The following ST3GAL1 variants were observed in gnomAD, a reference collection of about 807,000 sequenced individuals.
ST3GAL1 encodes CMP-N-acetylneuraminate-beta-galactosamide-alpha-2,3-sialyltransferase 1.
ST3GAL1 carries 16 observed loss-of-function variants against 34.1 expected under a neutral mutation model. The ratio of observed to expected loss-of-function variants is 0.47; its 90% CI spans 0.32 to 0.71. The LOEUF is 0.71. Among genes scored for constraint, ST3GAL1 ranks in the 30% least tolerant of loss-of-function variants. The pLI is 0.04. For synonymous variants in ST3GAL1, 191 were observed against 184.7 expected, an observed-to-expected ratio of 1.03 and a Z score of -0.28; for missense variants, 353 against 447.4, an observed-to-expected ratio of 0.79 and a Z score of 1.90.
In ST3GAL1 at chr8:133,549,977, A is replaced by T. The variant is rs531177115; in HGVS notation, c.-581-4051T>A. Among the ~76,000 whole-genome samples, 482 of 152,238 alleles carry T rather than the reference A, an allele frequency of 3.2e-3. 2 individuals carry two copies. The highest frequency in any genetic ancestry group is 0.011 in the African/African-American group (443 of 41,554). ...AACTCTGTCTCAAAAAACAAAACAA[A>T]CAAACAAACAAACAAAACTAGAACT... On this transcript the variant is annotated intron_variant, in intron 1 of 9. Transcript: ENST00000522652.
chr8:133,551,921 G>A lies in ST3GAL1; in HGVS notation c.-581-5995C>T, dbSNP rs186954132. Among the ~76,000 whole-genome samples, 9 of 152,326 alleles carry A rather than the reference G, an allele frequency of 5.9e-5. No homozygotes were observed. The East Asian group carries it at 1.7e-3, about 29-fold the overall frequency. On this transcript the variant is annotated intron_variant, in intron 1 of 9. Transcript: ENST00000522652. ...TCATTTTGAAGGTGAGTAAATGGAGGCTTGAGGAGATTAAGTAATTTGCTC... is the reference window on the plus strand; with the variant it reads ...TCATTTTGAAGGTGAGTAAATGGAGACTTGAGGAGATTAAGTAATTTGCTC...
At chr8:133,564,868 T>G (rs1819344822) in intron 1 of ST3GAL1, among the ~76,000 whole-genome samples, 1 of 152,226 alleles carries the variant, frequency 6.6e-6, no homozygotes, top group African/African-American at 2.4e-5. Context: ...AACCTCCAAT[T>G]GAAACCCAGG....
At chr8:133,565,463 G>A (rs762805480) in intron 1 of ST3GAL1, among the ~76,000 whole-genome samples, 8 of 151,982 alleles carry the variant, frequency 5.3e-5, no homozygotes, top group Non-Finnish European at 1.0e-4. Flanking sequence ...TTCCCCTACC[G>A]TGCCACTTCT....
At chr8:133,569,521 TGGC>T (rs1430631351) in intron 1 of ST3GAL1, among the ~76,000 whole-genome samples, 2 of 152,170 alleles carry the variant, frequency 1.3e-5, no homozygotes, top group Non-Finnish European at 2.9e-5. Context: ...AGGTTAAGTC[TGGC>T]GACCAAAGAG....
intron 2 of ST3GAL1, among the ~76,000 whole-genome samples, chr8:133,542,157 G>A (rs1233161803): frequency 3.3e-5 from 5 of 152,152 alleles, no homozygotes; most frequent in East Asian, 1.9e-4. Flanking sequence ...TCTGCTCAGA[G>A]GGCCTAGAGG....
intron 2 of ST3GAL1, among the ~76,000 whole-genome samples, chr8:133,506,404 T>C (rs1186526767): frequency 2.0e-5 from 3 of 152,200 alleles, no homozygotes; most frequent in Non-Finnish European, 4.4e-5. Context: ...TTTTTAGGTA[T>C]TAAGCAAATA....
In ST3GAL1 at chr8:133,469,633, C is replaced by A. The variant is rs1333211990; in HGVS notation, c.307-3543G>T. On this transcript the variant is annotated intron_variant, in intron 5 of 9. Coordinates refer to ENST00000522652, the MANE Select transcript of ST3GAL1 (RefSeq NM_173344.3). This position sits in a 1 kb window ranked among gnomAD's most constrained non-coding sequence, Gnocchi z 4.3. The stretch of plus-strand genomic sequence containing the variant: ...GTTGTACAATGCAATGAAAACAAAA[C>A]TACTGTATTCGGTTGCAGCTCTACC... 6.6e-6 allele frequency among the ~76,000 whole-genome samples: 1 copy of A among 152,224 alleles called. No homozygotes were observed. The highest frequency in any genetic ancestry group is 6.5e-5 in the Admixed American group (1 of 15,282).
rs560670553 is a variant in ST3GAL1 at position 133,455,021 on chromosome 8, A to T, written c.*4743T>A. 1.3e-5 allele frequency: 2 copies of T among 152,358 alleles called. No homozygotes were observed. The highest frequency in any genetic ancestry group is 4.1e-4 in the South Asian group (2 of 4,828). The allele number at this position is 152,358 out of a possible 1,614,324, so 9.4% of individuals were successfully genotyped here. A position where few individuals can be genotyped will look rare whatever the true frequency, so the allele number is the denominator to read the frequency against. On this transcript the variant is annotated 3_prime_UTR_variant, in exon 10 of 10. Transcript: ENST00000522652. Reference sequence around the variant, plus strand: ...ATGGAGAGAGGCAGGGGGGAATAGAAAGCAAATTTAAAAACACCAACACCC... The same window carrying T: ...ATGGAGAGAGGCAGGGGGGAATAGATAGCAAATTTAAAAACACCAACACCC...
At chr8:133,518,963 A>C (rs2945747) in intron 2 of ST3GAL1, among the ~76,000 whole-genome samples, 38,010 of 152,000 alleles carry the variant, frequency 0.25, 4,965 homozygotes, top group Admixed American at 0.28. Flanking sequence ...GCTATTGACA[A>C]GGGCAGCCCG....
rs1563748337 is a variant in ST3GAL1, at chr8:133,571,454, G to A, written c.-582+239C>T. On this transcript the variant is annotated intron_variant, in intron 1 of 9. Transcript: ENST00000522652. This position sits in a 1 kb window ranked among gnomAD's most constrained non-coding sequence, Gnocchi z 6.7. ...ACCTTCTTCCTCTCCCAAAGCCCTG[G>A]GTGGTCGCCGCTGCCAAGGAAGGGG... Among the ~76,000 whole-genome samples, 1 of 152,106 alleles carries A rather than the reference G, an allele frequency of 6.6e-6. No homozygotes were observed. The highest frequency in any genetic ancestry group is 1.5e-5 in the Non-Finnish European group (1 of 68,030).
intron 2 of ST3GAL1, among the ~76,000 whole-genome samples, chr8:133,506,600 C>T (rs1156230804): frequency 1.3e-5 from 2 of 151,956 alleles, no homozygotes; most frequent in Non-Finnish European, 2.9e-5. Flanking sequence ...GCCTGGCCAA[C>T]ATGGTGAAAC....
chr8:133,462,112 C>A, intron 8 of ST3GAL1, 118 bp from the exon 9 acceptor site: 1 of 1,449,694 alleles, frequency 6.9e-7, no homozygotes, highest in Non-Finnish European at 9.4e-7. Context: ...CTAATAGATA[C>A]GCCTGCACTT....
At chr8:133,463,497 G>C (rs777017629) in intron 7 of ST3GAL1, 38 bp from the exon 8 acceptor site, 26 of 1,610,836 alleles carry the variant, frequency 1.6e-5, no homozygotes, top group Non-Finnish European at 2.1e-5. Flanking sequence ...AATGGGGCAG[G>C]GGACAGGCCC....
chr8:133,530,244 G>A (rs1421986144), intron 2 of ST3GAL1, among the ~76,000 whole-genome samples: 1 of 152,030 alleles, frequency 6.6e-6, no homozygotes, highest in Non-Finnish European at 1.5e-5. Context: ...AGAGGACAAG[G>A]AGCCAGTGTC....
intron 6 of ST3GAL1, among the ~76,000 whole-genome samples, chr8:133,465,351 C>T (rs1815694813): frequency 6.6e-6 from 1 of 152,122 alleles, no homozygotes. Context: ...AGTCAGGAAT[C>T]ACAGACAGGA....
rs143791906 is a variant in ST3GAL1, at chr8:133,542,606, C to A, written c.-429+3168G>T. On this transcript the variant is annotated intron_variant, in intron 2 of 9. Transcript: ENST00000522652. ...CCTGGCCAACATGATGAAACCCCAT[C>A]TCTACTAAAAGTACAAAAATTAGCT... Among the ~76,000 whole-genome samples the A allele has an allele frequency of 3.7e-3, 559 of 152,114 alleles. 1 individual carries two copies. The highest frequency in any genetic ancestry group is 0.013 in the African/African-American group (519 of 41,492).
In ST3GAL1 at chr8:133,571,592, C is replaced by T. The variant is rs1169471326; in HGVS notation, c.-582+101G>A. 6.6e-6 allele frequency: 1 copy of T among 152,668 alleles called. No individual in the cohort carries two copies. Among genetic ancestry groups the T allele is most frequent in the Non-Finnish European group, 1.5e-5 (1 of 68,416 alleles). 9.5% of individuals were successfully genotyped at this position (152,668 alleles called of 1,614,324 possible). ...CAGTTCCCGGGTCCAGACAATCAAC[C>T]TTCCACTCCGAGAATCCACAGGAAA... On this transcript the variant is annotated intron_variant, in intron 1 of 9. Coordinates refer to ENST00000522652, the MANE Select transcript of ST3GAL1 (RefSeq NM_173344.3). This position sits in a 1 kb window ranked among gnomAD's most constrained non-coding sequence, Gnocchi z 6.7.
intron 1 of ST3GAL1, among the ~76,000 whole-genome samples, chr8:133,563,624 C>T (rs1218345273): frequency 6.6e-6 from 1 of 152,226 alleles, no homozygotes; most frequent in African/African-American, 2.4e-5. Flanking sequence ...CGCCAGCATT[C>T]ACACTGTAGT....
At position 133,461,822 on chromosome 8, in the gene ST3GAL1, CA is replaced by C. The variant is rs1815520486; in HGVS notation, c.849+52del. 1.2e-6 allele frequency: 2 copies of C among 1,609,410 alleles called. No homozygotes were observed. The highest frequency in any genetic ancestry group is 8.5e-7 in the Non-Finnish European group (1 of 1,177,148). ...CCCCCTCCCTGGCCTCTCTTGGGAA[CA>C]CAGGACGGTGAGCTTCGAGGCAGCC... On this transcript the variant is annotated intron_variant, in intron 9 of 9. Transcript: ENST00000522652. This position sits in a 1 kb window ranked among gnomAD's most constrained non-coding sequence, Gnocchi z 4.7.
Sources: allele counts gnomAD v4.1 joint callset (sites outside exome capture counted in the v4.1 genomes callset), GRCh38; gene constraint gnomAD v4.1.1; non-coding constraint Gnocchi (gnomAD v3.1); transcripts MANE v1.5; gene names NCBI Gene and HGNC (gene_info 2026-07-23, HGNC 2026-07-21).